Variants in MED16 observed in about 807,000 individuals in gnomAD.
MED16 encodes the protein mediator complex subunit 16.
In MED16, 81 loss-of-function variants were observed where a neutral mutation model predicts 84.4. The observed-to-expected ratio is 0.96, with a 90% confidence interval of 0.80 to 1.15. The LOEUF (loss-of-function observed/expected upper bound fraction) is 1.15. MED16 is among the 50% of genes most tolerant of loss of function. MED16 has a pLI of 0.00. For missense variants in MED16, 1,585 were observed against 1,245.9 expected, an observed-to-expected ratio of 1.27 and a Z score of -4.10; for synonymous variants, 897 against 552.2, an observed-to-expected ratio of 1.62 and a Z score of -8.76.
chr19:868,351 A>G (rs981655742), intron 15 of MED16, 65 bp downstream of exon 15: 4 of 1,583,964 alleles, frequency 2.5e-6, no homozygotes, highest in Admixed American at 1.7e-5. Flanking sequence ...GTAGCTGAGG[A>G]GTAGCTGAGG....
At position 877,034 on chromosome 19, in the gene MED16, T is replaced by C. The variant is rs767879335; in HGVS notation, c.1500A>G (p.Val500=). 3.1e-6 allele frequency: 5 copies of C among 1,612,442 alleles called. No individual in the cohort carries two copies. The highest frequency in any genetic ancestry group is 4.2e-6 in the Non-Finnish European group (5 of 1,179,874). Residue 500 remains valine, a synonymous_variant, in exon 9 of 16, where the codon GTA becomes GTG. Coordinates refer to ENST00000325464, the MANE Select transcript of MED16 (RefSeq NM_005481.3). The stretch of plus-strand genomic sequence containing the variant: ...CGTGCAGCTTCTCCACCAGGCTCTG[T>C]ACCATACTGGGCTGCACGTGCAGCA... ...DILLHVQPSM[V]QSLVEKLHEE...
chr19:871,460 T>G (rs2036052784), intron 12 of MED16: 5 of 1,425,028 alleles, frequency 3.5e-6, no homozygotes, highest in Non-Finnish European at 4.7e-6. Flanking sequence ...TCTCTCCCCG[T>G]CTCTGGCCTG....
intron 8 of MED16, 119 bp downstream of exon 8, chr19:879,818 A>AGCCCCAGCAGCTCACCTTCCCCT (rs2036372750): frequency 1.7e-6 from 2 of 1,160,552 alleles, no homozygotes; most frequent in African/African-American, 1.6e-5. Context: ...AATCCCCACC[A>AGCCCCAGCAGCTCACCTTCCCCT]GGGCCAGCCC....
rs1568318223 is a variant in MED16, at chr19:871,055, T to C, written c.2297A>G (p.Gln766Arg). The change falls in exon 13 of 16, where the codon CAG becomes CGG. Residue 766 changes from glutamine (Q) to arginine (R), a missense_variant. By Grantham distance (43) the Gln-to-Arg change is conservative (BLOSUM62 1). Transcript: ENST00000325464. ...PTLPGSAATLQLDGLARAPGQ... is the reference protein window; with the variant it reads ...PTLPGSAATLRLDGLARAPGQ... ...CACGCACCTGGCGAGGCCGTCGAGC[T>C]GCAGGGTGGCAGCACTGCCAGGCAG... is the stretch of plus-strand genomic sequence containing the variant. 1 of 1,544,390 alleles carries C rather than the reference T, an allele frequency of 6.5e-7. No homozygotes were observed. The highest frequency in any genetic ancestry group is 8.7e-7 in the Non-Finnish European group (1 of 1,143,130).
At position 880,194 on chromosome 19, in the gene MED16, C is replaced by T. The variant is rs371473900; in HGVS notation, c.1142-46G>A. ...TTAGACATGGGCAGGGCCCAGGACA[C>T]GCCCGCCGGGGGAGGGGCCTCCTGC... On this transcript the variant is annotated intron_variant, in intron 7 of 15. Transcript: ENST00000325464. 141 of 1,527,664 alleles carry T rather than the reference C, an allele frequency of 9.2e-5. No homozygotes were observed. In the African/African-American group the frequency reaches 1.5e-3, roughly 16 times the overall value. 94.6% of individuals were successfully genotyped at this position (1,527,664 alleles called of 1,614,324 possible). A position where few individuals can be genotyped will look rare whatever the true frequency, so the allele number is the denominator to read the frequency against.
Position 880,094 on chromosome 19 carries a change from A to G in MED16, c.1196T>C (p.Leu399Pro), listed in dbSNP as rs1332155731. The G allele has an allele frequency of 6.2e-7, 1 of 1,610,818 alleles. No individual in the cohort carries two copies. The highest frequency in any genetic ancestry group is 8.5e-7 in the Non-Finnish European group (1 of 1,179,442). Residue 399 changes from leucine (L) to proline (P), a missense_variant, in exon 8 of 16, where the codon CTG becomes CCG. Leu to Pro is a moderately conservative substitution (Grantham distance 98). Transcript: ENST00000325464. ...GCTGTAGAAGACGGCCATGGTCTGC[A>G]GTGAGAGCCGGTGCACGATGTGGAC... ...GSVHIVHRLS[L>P]QTMAVFYSSA... is the part of the protein sequence containing the mutation.
chr19:888,587 G>A (rs1409285672), intron 4 of MED16, among the ~76,000 whole-genome samples: 1 of 151,544 alleles, frequency 6.6e-6, no homozygotes, highest in Non-Finnish European at 1.5e-5. Flanking sequence ...GCACAACATG[G>A]CGAGTGTATA....
chr19:881,681 C>A lies in MED16; in HGVS notation c.1019G>T (p.Arg340Leu). 6.2e-7 allele frequency: 1 copy of A among 1,612,040 alleles called. No homozygotes were observed. The highest frequency in any genetic ancestry group is 8.5e-7 in the Non-Finnish European group (1 of 1,179,508). The change falls in exon 7 of 16, where the codon CGG becomes CTG. Residue 340 changes from arginine to leucine, a missense_variant. Transcript: ENST00000325464. ...GDKQPTILKWRILSATNDLDR... is the reference protein window; with the variant it reads ...GDKQPTILKWLILSATNDLDR... Reference sequence around the variant, plus strand: ...CAGATCGTTGGTGGCCGATAGGATCCGCCATTTGAGAATTGTGGGCTGTTT... The same window carrying A: ...CAGATCGTTGGTGGCCGATAGGATCAGCCATTTGAGAATTGTGGGCTGTTT...
chr19:881,459 C>G, intron 7 of MED16, 100 bp downstream of exon 7: 1 of 1,391,182 alleles, frequency 7.2e-7, no homozygotes, highest in Non-Finnish European at 9.7e-7. Flanking sequence ...GAGCCCACGT[C>G]CTCTGGTGTG....
chr19:880,201 C>A, intron 7 of MED16, 53 bp from the exon 8 acceptor site: 1 of 1,503,116 alleles, frequency 6.7e-7, no homozygotes, highest in Non-Finnish European at 8.9e-7. Context: ...ACACGCCCGC[C>A]GGGGGAGGGG....
chr19:876,622 C>G (rs2036236902), intron 9 of MED16, among the ~76,000 whole-genome samples: 1 of 152,066 alleles, frequency 6.6e-6, no homozygotes, highest in South Asian at 2.1e-4. Flanking sequence ...TGGGAGCACA[C>G]CCCACACGCA....
chr19:881,419 G>A (rs2036420879), intron 7 of MED16, 140 bp downstream of exon 7: 2 of 963,392 alleles, frequency 2.1e-6, no homozygotes, highest in Non-Finnish European at 2.9e-6. Context: ...CCAGAAGGCT[G>A]AGCTCCTACA....
chr19:876,763 G>A (rs985768055), intron 9 of MED16, among the ~76,000 whole-genome samples: 2 of 152,094 alleles, frequency 1.3e-5, no homozygotes, highest in Admixed American at 1.3e-4. Context: ...AACTGCTGCA[G>A]AGACCTCCTC....
rs923603881 is a variant in MED16 at position 886,706 on chromosome 19, G to C, written c.448-505C>G. ...CCAGCGGCTGCTGCGGGCACTATTTGATTTCAAATCAAATTTGTCAAGTCA... is the reference window on the plus strand; with the variant it reads ...CCAGCGGCTGCTGCGGGCACTATTTCATTTCAAATCAAATTTGTCAAGTCA... On this transcript the variant is annotated intron_variant, in intron 4 of 15. Transcript: ENST00000325464. Among the ~76,000 whole-genome samples, 2 of 152,224 alleles carry C rather than the reference G, an allele frequency of 1.3e-5. 1 individual carries two copies. The highest frequency in any genetic ancestry group is 3.8e-4 in the East Asian group (2 of 5,196).
intron 7 of MED16, 144 bp from the exon 8 acceptor site, chr19:880,292 G>T (rs1016567072): frequency 4.5e-6 from 3 of 664,902 alleles, no homozygotes; most frequent in African/African-American, 1.9e-5. Flanking sequence ...CAGCGCCCGT[G>T]CCCCCAGCCA....
Position 886,118 on chromosome 19 carries a change from C to G in MED16, c.531G>C (p.Glu177Asp). The G allele has an allele frequency of 6.3e-7, 1 of 1,577,948 alleles. No individual in the cohort carries two copies. The highest frequency in any genetic ancestry group is 1.1e-5 in the South Asian group (1 of 89,762). The change falls in exon 5 of 16, where the codon GAG becomes GAC. Residue 177 changes from glutamate to aspartate, a missense_variant. Coordinates refer to ENST00000325464, the MANE Select transcript of MED16 (RefSeq NM_005481.3). ...SLTLFGGKPMEGWIAVTVSGL... is the reference protein window; with the variant it reads ...SLTLFGGKPMDGWIAVTVSGL... ...CGCTGACCGTCACCGCGATCCAGCC[C>G]TCCATGGGCTTGCCGCCGAACAGCG...
At chr19:868,644 G>C in intron 14 of MED16, 145 bp from the exon 15 acceptor site, 2 of 1,220,192 alleles carry the variant, frequency 1.6e-6, no homozygotes, top group Non-Finnish European at 2.3e-6. Context: ...CAGGGCCTCT[G>C]CCCATGCTTC....
At position 879,986 on chromosome 19, in the gene MED16, T is replaced by C; in HGVS notation, c.1304A>G (p.Gln435Arg). ...AGPAVHLKAMQLSWTSLALVG... is the reference protein window; with the variant it reads ...AGPAVHLKAMRLSWTSLALVG... ...CAGGGCCAGTGACGTCCACGATAGCTGCATAGCCTTTAAGTGGACGGCGGG... is the reference window on the plus strand; with the variant it reads ...CAGGGCCAGTGACGTCCACGATAGCCGCATAGCCTTTAAGTGGACGGCGGG... Residue 435 changes from glutamine to arginine, a missense_variant, in exon 8 of 16, where the codon CAG becomes CGG. By Grantham distance (43) the Gln-to-Arg change is conservative. Coordinates refer to ENST00000325464, the MANE Select transcript of MED16 (RefSeq NM_005481.3). 6.2e-7 allele frequency: 1 copy of C among 1,609,156 alleles called. No homozygotes were observed. The highest frequency in any genetic ancestry group is 8.5e-7 in the Non-Finnish European group (1 of 1,178,252).
rs1167044341 is a variant in MED16 at position 874,325 on chromosome 19, G to A, written c.1772-743C>T. On this transcript the variant is annotated intron_variant, in intron 10 of 15. Coordinates refer to ENST00000325464, the MANE Select transcript of MED16 (RefSeq NM_005481.3). ...GACGGGGTTTCACCGTGTTAGCCAG[G>A]ATGATCTCGATCTCCTGACCTCGTG... is the stretch of plus-strand genomic sequence containing the variant. Among the ~76,000 whole-genome samples, 4 of 152,104 alleles carry A rather than the reference G, an allele frequency of 2.6e-5. No homozygotes were observed. In the East Asian group the frequency reaches 7.7e-4, roughly 29 times the overall value.
Sources: gnomAD v4.1 joint callset for allele counts (sites outside exome capture counted in the v4.1 genomes callset) on GRCh38, gnomAD v4.1.1 for gene constraint, MANE v1.5 for transcripts, NCBI Gene and HGNC (gene_info 2026-07-23, HGNC 2026-07-21) for gene names.